CBFA2T3: variants seen among roughly 807,000 people sequenced by gnomAD.
CBFA2T3 encodes the protein CBFA2/RUNX1 partner transcriptional co-repressor 3, also known as transcriptional corepressor CBFA2T3.
CBFA2T3 carries 31 observed loss-of-function variants against 58.6 expected under a neutral mutation model. The ratio of observed to expected loss-of-function variants is 0.53; its 90% CI spans 0.40 to 0.71. The LOEUF (loss-of-function observed/expected upper bound fraction) is 0.71. Among genes scored for constraint, CBFA2T3 ranks in the 30% least tolerant of loss-of-function variants. CBFA2T3 has a pLI of 0.00. For missense variants in CBFA2T3, 1,076 were observed against 963.1 expected (o/e 1.12, Z -1.55); for synonymous variants, 531 against 421.9 (o/e 1.26, Z -3.17).
chr16:88,936,177 T>C (rs1157983092), intron 1 of CBFA2T3, among the ~76,000 whole-genome samples: 1 of 152,160 alleles, frequency 6.6e-6, no homozygotes, highest in African/African-American at 2.4e-5. Context: ...ATGAGTTCCA[T>C]GTGTGACCTG....
In CBFA2T3 at chr16:88,951,140, C is replaced by T. The variant is rs745749232; in HGVS notation, c.151+25517G>A. 2.4e-5 allele frequency: 9 copies of T among 371,374 alleles called. 1 individual carries two copies. The highest frequency in any genetic ancestry group is 1.1e-4 in the South Asian group (6 of 55,806). The allele number at this position is 371,374 out of a possible 1,614,324, so 23.0% of individuals were successfully genotyped here. A position where few individuals can be genotyped will look rare whatever the true frequency, so the allele number is the denominator to read the frequency against. Reference sequence around the variant, plus strand: ...GCACCTGTCTTCCGGATCTGTTCACCCCTCCCCTGGATCGGCACCGGCACA... The same window carrying T: ...GCACCTGTCTTCCGGATCTGTTCACTCCTCCCCTGGATCGGCACCGGCACA... On this transcript the variant is annotated intron_variant, in intron 1 of 11. Coordinates refer to ENST00000268679, the MANE Select transcript of CBFA2T3 (RefSeq NM_005187.6).
chr16:88,944,687 G>A (rs577743183), intron 1 of CBFA2T3, among the ~76,000 whole-genome samples: 8 of 152,366 alleles, frequency 5.3e-5, no homozygotes, highest in African/African-American at 1.9e-4. Context: ...CTCAAGGTTT[G>A]GATAAAGACG....
At chr16:88,898,785 G>A (rs1367666402) in intron 2 of CBFA2T3, among the ~76,000 whole-genome samples, 1 of 152,224 alleles carries the variant, frequency 6.6e-6, no homozygotes, top group Admixed American at 6.5e-5. Context: ...CACTTTGGGA[G>A]GCTGAGGCGG....
Position 88,876,956 on chromosome 16 carries a change from C to T in CBFA2T3, c.*20G>A. 2.1e-6 allele frequency: 3 copies of T among 1,411,308 alleles called. No individual in the cohort carries two copies. Among genetic ancestry groups the T allele is most frequent in the South Asian group, 3.1e-5 (2 of 65,288 alleles). 87.4% of individuals were successfully genotyped at this position (1,411,308 alleles called of 1,614,324 possible). A position where few individuals can be genotyped will look rare whatever the true frequency, so the allele number is the denominator to read the frequency against. On this transcript the variant is annotated 3_prime_UTR_variant, in exon 12 of 12. Coordinates refer to ENST00000268679, the MANE Select transcript of CBFA2T3 (RefSeq NM_005187.6). ...GGGGTTGGCACGGTGCTGTGTCCGG[C>T]AGGCCAGGGGCCAGTGGGGTCAGCG...
At chr16:88,959,498 G>T (rs1041861761) in intron 1 of CBFA2T3, among the ~76,000 whole-genome samples, 2 of 152,216 alleles carry the variant, frequency 1.3e-5, no homozygotes, top group Non-Finnish European at 2.9e-5. Flanking sequence ...TTGGACAGAG[G>T]TGCAGGCAGA....
At chr16:88,973,448 A>G (rs11859986) in intron 1 of CBFA2T3, among the ~76,000 whole-genome samples, 92,877 of 152,046 alleles carry the variant, frequency 0.61, 29,017 homozygotes, top group East Asian at 0.83. Context: ...CACTGTGAGA[A>G]CAGAAGCCTC....
chr16:88,971,423 T>A (rs1972653197), intron 1 of CBFA2T3, among the ~76,000 whole-genome samples: 1 of 152,210 alleles, frequency 6.6e-6, no homozygotes, highest in African/African-American at 2.4e-5. Context: ...ATTTTTCAAA[T>A]GACATGGTGA....
At chr16:88,960,689 A>G (rs1457726060) in intron 1 of CBFA2T3, among the ~76,000 whole-genome samples, 1 of 152,244 alleles carries the variant, frequency 6.6e-6, no homozygotes, top group African/African-American at 2.4e-5. Context: ...AAGCTGAAAG[A>G]GCAGAAATGC....
chr16:88,882,747 G>A lies in CBFA2T3; in HGVS notation c.1132C>T (p.Arg378Trp), dbSNP rs757257654. The change falls in exon 8 of 12, where the codon CGG (arginine) becomes TGG (tryptophan). Residue 378 changes from arginine (R) to tryptophan (W), a missense_variant. Coordinates refer to ENST00000268679, the MANE Select transcript of CBFA2T3 (RefSeq NM_005187.6). ...RHRPLVVPGS[R>W]QEEVIDHKLT... ...TTGTGGTCGATCACTTCTTCCTGCC[G>A]GGACCCAGGCACCACTGTGGATGGG... 29 of 1,579,938 alleles carry A rather than the reference G, an allele frequency of 1.8e-5. No homozygotes were observed. Among genetic ancestry groups the A allele is most frequent in the African/African-American group, 5.4e-5 (4 of 74,506 alleles).
intron 1 of CBFA2T3, among the ~76,000 whole-genome samples, chr16:88,959,896 G>A (rs995026989): frequency 8.6e-5 from 13 of 152,038 alleles, no homozygotes; most frequent in Non-Finnish European, 1.6e-4. Context: ...TGCAGTGACG[G>A]GCGTCTGTAA....
chr16:88,895,071 A>G (rs1023479614), intron 3 of CBFA2T3, among the ~76,000 whole-genome samples: 3 of 152,082 alleles, frequency 2.0e-5, no homozygotes, highest in Admixed American at 2.0e-4. Flanking sequence ...GGAACATGGG[A>G]CGTGGGGACC....
rs573066659 is a variant in CBFA2T3, at chr16:88,904,265, C to CT, written c.152-2610dup. 1.9e-3 allele frequency among the ~76,000 whole-genome samples: 296 copies of CT among 152,306 alleles called. 1 individual carries two copies. The highest frequency in any genetic ancestry group is 6.7e-3 in the African/African-American group (279 of 41,564). ...CTTCAGAGGCCTGGACAGAGGCTCA[C>CT]TGCAGGAAGATCCTTCTCGGTGCTC... is the stretch of plus-strand genomic sequence containing the variant. On this transcript the variant is annotated intron_variant, in intron 1 of 11. Transcript: ENST00000268679.
chr16:88,875,574 CGA>C lies in CBFA2T3; in HGVS notation c.*1400_*1401del, dbSNP rs1968798598. ...AGTAGCTGCGGTGGGGCGATGGGGC[CGA>C]GAGGTTGGAGTTGGGGCGATGGGGC... On this transcript the variant is annotated 3_prime_UTR_variant, in exon 12 of 12. Transcript: ENST00000268679. 1 of 231,554 alleles carries C rather than the reference CGA, an allele frequency of 4.3e-6. No homozygotes were observed. 14.3% of individuals were successfully genotyped at this position (231,554 alleles called of 1,614,324 possible). A position where few individuals can be genotyped will look rare whatever the true frequency, so the allele number is the denominator to read the frequency against.
intron 1 of CBFA2T3, among the ~76,000 whole-genome samples, chr16:88,914,031 A>T (rs1163461812): frequency 2.0e-5 from 3 of 152,228 alleles, no homozygotes; most frequent in Non-Finnish European, 4.4e-5. Context: ...GCACCGAGGT[A>T]GAGGGACACG....
At chr16:88,898,741 G>A (rs1001882767) in intron 2 of CBFA2T3, among the ~76,000 whole-genome samples, 5 of 152,188 alleles carry the variant, frequency 3.3e-5, no homozygotes, top group Admixed American at 2.0e-4. Context: ...AGAAAGATTC[G>A]GCTGGGCTCA....
At chr16:88,940,573 C>A (rs1971683073) in intron 1 of CBFA2T3, among the ~76,000 whole-genome samples, 1 of 152,192 alleles carries the variant, frequency 6.6e-6, no homozygotes, top group Non-Finnish European at 1.5e-5. Context: ...CCACCTTTAG[C>A]CTGCGGGGCA....
Position 88,877,167 on chromosome 16 carries a change from C to T in CBFA2T3, c.1771G>A (p.Val591Met), listed in dbSNP as rs750718085. 9.7e-6 allele frequency: 15 copies of T among 1,552,406 alleles called. No homozygotes were observed. The highest frequency in any genetic ancestry group is 1.8e-4 in the Middle Eastern group (1 of 5,498). The change falls in exon 12 of 12, where the codon GTG becomes ATG. Residue 591 changes from valine to methionine, a missense_variant. Transcript: ENST00000268679. Reference sequence around the variant, plus strand: ...GGGCCCTGCAGGCTCTGGCCACACACGTGGTGATGCTTCTCCCAGTCCCGA... The same window carrying T: ...GGGCCCTGCAGGCTCTGGCCACACATGTGGTGATGCTTCTCCCAGTCCCGA... The part of the protein sequence containing the change: ...QHRDWEKHHH[V>M]CGQSLQGPTA...
chr16:88,922,856 C>T (rs538648626), intron 1 of CBFA2T3, among the ~76,000 whole-genome samples: 2 of 152,344 alleles, frequency 1.3e-5, no homozygotes, highest in South Asian at 4.1e-4. Context: ...CGGCAGCACC[C>T]CCACCCAGGA....
rs1383939665 is a variant in CBFA2T3, at chr16:88,950,317, C to T, written c.151+26340G>A. 1.7e-5 allele frequency: 7 copies of T among 419,574 alleles called. No individual in the cohort carries two copies. In the East Asian group the frequency reaches 5.4e-4, roughly 32 times the overall value. The allele number at this position is 419,574 out of a possible 1,614,324, so 26.0% of individuals were successfully genotyped here. A position where few individuals can be genotyped will look rare whatever the true frequency, so the allele number is the denominator to read the frequency against. ...AGAGGGTCAGAGTGTTGGCACCTGT[C>T]TTCCGGGTCAGTTCACCCGTCCCCT... On this transcript the variant is annotated intron_variant, in intron 1 of 11. Transcript: ENST00000268679.
Sources: gnomAD v4.1 joint callset for allele counts (sites outside exome capture counted in the v4.1 genomes callset) on GRCh38, gnomAD v4.1.1 for gene constraint, MANE v1.5 for transcripts, NCBI Gene and HGNC (gene_info 2026-07-23, HGNC 2026-07-21) for gene names.